Variants in FNDC1 observed in about 807,000 individuals in gnomAD.
FNDC1 encodes fibronectin type III domain containing 1.
In FNDC1, 96 loss-of-function variants were observed where a neutral mutation model predicts 168.0. The observed-to-expected ratio is 0.57, with a 90% confidence interval of 0.48 to 0.68. The LOEUF is 0.68. FNDC1 is among the 30% of genes least tolerant of loss of function. The probability of loss-of-function intolerance (pLI) is 0.00; values close to 1 mark genes in which losing one functional copy is unlikely to be tolerated. For missense variants in FNDC1, 2,587 were observed against 2,482.1 expected, an observed-to-expected ratio of 1.04 and a Z score of -0.90; for synonymous variants, 1,099 against 1,025.9, an observed-to-expected ratio of 1.07 and a Z score of -1.36.
chr6:159,220,540 G>A (rs1325761866), intron 5 of FNDC1, among the ~76,000 whole-genome samples: 1 of 152,200 alleles, frequency 6.6e-6, no homozygotes, highest in African/African-American at 2.4e-5. Flanking sequence ...GTTATTAAGT[G>A]TGTGACCCTG....
At chr6:159,202,612 C>A (rs1782403757) in intron 4 of FNDC1, among the ~76,000 whole-genome samples, 1 of 152,242 alleles carries the variant, frequency 6.6e-6, no homozygotes, top group African/African-American at 2.4e-5. Flanking sequence ...GAGGAATATC[C>A]ATTCTTTTAA....
chr6:159,228,144 C>A (rs539498940), intron 9 of FNDC1, among the ~76,000 whole-genome samples: 1 of 152,190 alleles, frequency 6.6e-6, no homozygotes, highest in African/African-American at 2.4e-5. Flanking sequence ...TCTCCCTCAT[C>A]TGAGTTGATA....
intron 7 of FNDC1, among the ~76,000 whole-genome samples, chr6:159,224,161 A>G (rs750486390): frequency 2.0e-5 from 3 of 152,196 alleles, no homozygotes; most frequent in Admixed American, 6.5e-5. Flanking sequence ...TCATTTATAC[A>G]TAACAAAATG....
chr6:159,186,423 T>C (rs1782000770), intron 1 of FNDC1, among the ~76,000 whole-genome samples: 1 of 152,212 alleles, frequency 6.6e-6, no homozygotes, highest in Admixed American at 6.5e-5. Context: ...AAAGGCTTAG[T>C]TTGCCCTCAT....
chr6:159,243,533 T>A (rs1009575576), intron 14 of FNDC1, among the ~76,000 whole-genome samples: 1 of 152,238 alleles, frequency 6.6e-6, no homozygotes, highest in Non-Finnish European at 1.5e-5. Context: ...ATTTTTCACT[T>A]ATTTTTTTCA....
rs1777747760 is a variant in FNDC1 at position 159,271,475 on chromosome 6, C to G, written c.*33C>G. The G allele has an allele frequency of 1.5e-5, 22 of 1,507,106 alleles. No homozygotes were observed. The highest frequency in any genetic ancestry group is 2.0e-5 in the Non-Finnish European group (22 of 1,097,494). The allele number at this position is 1,507,106 out of a possible 1,614,324, so 93.4% of individuals were successfully genotyped here. A position where few individuals can be genotyped will look rare whatever the true frequency, so the allele number is the denominator to read the frequency against. On this transcript the variant is annotated 3_prime_UTR_variant, in exon 23 of 23. Transcript: ENST00000297267. ...ACCGTCATGCTGCAAGCTTGCCCTG[C>G]CCAGCCCCACCAACTAAGTCGCACT...
chr6:159,251,426 G>C lies in FNDC1; in HGVS notation c.4959G>C (p.Leu1653=). 1 of 1,613,942 alleles carries C rather than the reference G, an allele frequency of 6.2e-7. No individual in the cohort carries two copies. Among genetic ancestry groups the C allele is most frequent in the Non-Finnish European group, 8.5e-7 (1 of 1,179,880 alleles). ...IIPNDLKKSD[L]PPQHAPRNIT... Reference sequence around the variant, plus strand: ...CCAATGACCTGAAGAAGAGTGACCTGCCTCCCCAGCATGCTCCCCGCAACA... The same window carrying C: ...CCAATGACCTGAAGAAGAGTGACCTCCCTCCCCAGCATGCTCCCCGCAACA... Residue 1653 remains leucine, a synonymous_variant, in exon 17 of 23, where the codon CTG becomes CTC. Coordinates refer to ENST00000297267, the MANE Select transcript of FNDC1 (RefSeq NM_032532.3).
chr6:159,201,464 T>A lies in FNDC1; in HGVS notation c.460+883T>A, dbSNP rs927058916. ...TGGGGAGAGACTAAGTGTTCTTGTT[T>A]GAATGACTATGAGGTGTTGCAACAG... On this transcript the variant is annotated intron_variant, in intron 4 of 22. Coordinates refer to ENST00000297267, the MANE Select transcript of FNDC1 (RefSeq NM_032532.3). Among the ~76,000 whole-genome samples, 3 of 152,350 alleles carry A rather than the reference T, an allele frequency of 2.0e-5. No homozygotes were observed. In the South Asian group the frequency reaches 6.2e-4, roughly 32 times the overall value.
intron 1 of FNDC1, among the ~76,000 whole-genome samples, chr6:159,194,665 C>G (rs540368725): frequency 6.6e-6 from 1 of 152,176 alleles, no homozygotes; most frequent in South Asian, 2.1e-4. Flanking sequence ...AAACAATGAT[C>G]GGGAATAGAA....
In FNDC1 at chr6:159,223,239, GC is replaced by G. The variant is rs543521428; in HGVS notation, c.767-286del. ...TCTTGATCTCCTGACCTCGTGATCT[GC>G]CCGCCTCGGCCTCCCAAAGTGCTGG... On this transcript the variant is annotated intron_variant, in intron 6 of 22. Coordinates refer to ENST00000297267, the MANE Select transcript of FNDC1 (RefSeq NM_032532.3). Among the ~76,000 whole-genome samples the G allele has an allele frequency of 3.6e-4, 55 of 152,126 alleles. 1 individual carries two copies. In the East Asian group the frequency reaches 0.01, roughly 28 times the overall value.
rs910392099 is a variant in FNDC1 at position 159,200,092 on chromosome 6, A to C, written c.391+10A>C. 2 of 1,577,616 alleles carry C rather than the reference A, an allele frequency of 1.3e-6. No homozygotes were observed. Among genetic ancestry groups the C allele is most frequent in the Admixed American group, 1.8e-5 (1 of 55,524 alleles). The stretch of plus-strand genomic sequence containing the variant: ...GCTGAAAGCCCACCTGGTAAGTCCT[A>C]TCTAGAATCAGAGGCTGTAGTGTTG... On this transcript the variant is annotated intron_variant, in intron 3 of 22. Transcript: ENST00000297267.
At chr6:159,178,903 AG>A (rs1171303076) in intron 1 of FNDC1, among the ~76,000 whole-genome samples, 1 of 152,150 alleles carries the variant, frequency 6.6e-6, no homozygotes, top group East Asian at 1.9e-4. Flanking sequence ...TTCCAGTCTC[AG>A]GACAGCAGCT....
chr6:159,191,890 G>T (rs1236593193), intron 1 of FNDC1, among the ~76,000 whole-genome samples: 2 of 151,932 alleles, frequency 1.3e-5, no homozygotes, highest in Non-Finnish European at 2.9e-5. Context: ...TTGTGACAGG[G>T]TCTCACTCTG....
intron 16 of FNDC1, among the ~76,000 whole-genome samples, chr6:159,250,309 A>C (rs1777227516): frequency 6.6e-6 from 1 of 152,214 alleles, no homozygotes; most frequent in Admixed American, 6.5e-5. Context: ...CTTTGTTCTC[A>C]TTAGTTACAA....
Position 159,200,561 on chromosome 6 carries a change from C to T in FNDC1, c.440C>T (p.Pro147Leu). 6.3e-7 allele frequency: 1 copy of T among 1,597,336 alleles called. No homozygotes were observed. The change falls in exon 4 of 23, where the codon CCA becomes CTA. Residue 147 changes from proline (P) to leucine (L), a missense_variant. Physicochemically the swap from Pro to Leu is moderately conservative, Grantham distance 98. Transcript: ENST00000297267. ...IDGFPIKGPG[P>L]FNETVTEKEV... is the part of the protein sequence containing the mutation. ...GGTTTTCCCATTAAGGGTCCAGGACCATTTAATGAAACCGTCACAGGTACT... is the reference window on the plus strand; with the variant it reads ...GGTTTTCCCATTAAGGGTCCAGGACTATTTAATGAAACCGTCACAGGTACT...
chr6:159,271,533 A>G lies in FNDC1; in HGVS notation c.*91A>G. The G allele has an allele frequency of 5.4e-6, 5 of 922,538 alleles. No individual in the cohort carries two copies. The South Asian group carries it at 5.8e-5, about 11-fold the overall frequency. 57.1% of individuals were successfully genotyped at this position (922,538 alleles called of 1,614,324 possible). ...GTGAGCAAAGACAGCCAGCGTGCTC[A>G]GCCCCGCTGCCCTAGGTGCCAGGAA... On this transcript the variant is annotated 3_prime_UTR_variant, in exon 23 of 23. Coordinates refer to ENST00000297267, the MANE Select transcript of FNDC1 (RefSeq NM_032532.3).
At chr6:159,197,752 T>C in intron 2 of FNDC1, 127 bp downstream of exon 2, 1 of 817,710 alleles carries the variant, frequency 1.2e-6, no homozygotes, top group Non-Finnish European at 1.8e-6. Flanking sequence ...TCTTTGGGAA[T>C]GGAGAGCTGA....
At chr6:159,260,566 G>A (rs1229583900) in intron 18 of FNDC1, among the ~76,000 whole-genome samples, 1 of 152,146 alleles carries the variant, frequency 6.6e-6, no homozygotes, top group East Asian at 1.9e-4. Context: ...TCCCTTCCCA[G>A]CTCCAGAGCC....
At position 159,265,523 on chromosome 6, in the gene FNDC1, C is replaced by T. The variant is rs996981777; in HGVS notation, c.5284+519C>T. On this transcript the variant is annotated intron_variant, in intron 20 of 22. Transcript: ENST00000297267. ...AAAGACTTCTTAACTCTGAGAATCC[C>T]TTATTGAAATGTGTATACTTTAAAT... is the stretch of plus-strand genomic sequence containing the variant. Among the ~76,000 whole-genome samples the T allele has an allele frequency of 2.0e-5, 3 of 152,274 alleles. No individual in the cohort carries two copies. The South Asian group carries it at 6.2e-4, about 32-fold the overall frequency.
Sources: gnomAD v4.1 joint callset for allele counts (sites outside exome capture counted in the v4.1 genomes callset) on GRCh38, gnomAD v4.1.1 for gene constraint, MANE v1.5 for transcripts, NCBI Gene and HGNC (gene_info 2026-07-23, HGNC 2026-07-21) for gene names.